Variants in FYN observed in about 807,000 individuals in gnomAD.
FYN encodes the protein FYN proto-oncogene, Src family tyrosine kinase.
A neutral mutation model predicts 70.2 loss-of-function variants in FYN; 10 were observed. The ratio of observed to expected loss-of-function variants is 0.14; its 90% CI spans 0.09 to 0.24. The LOEUF is 0.24. Among genes scored for constraint, FYN ranks in the 10% least tolerant of loss-of-function variants. The pLI is 1.00. For missense variants in FYN, 319 were observed against 673.1 expected (o/e 0.47, Z 5.82); for synonymous variants, 236 against 248.6 (o/e 0.95, Z 0.48).
intron 2 of FYN, among the ~76,000 whole-genome samples, chr6:111,826,706 T>C (rs6900448): frequency 0.15 from 23,329 of 152,194 alleles, 2,626 homozygotes; most frequent in African/African-American, 0.33. Flanking sequence ...TATCCCCTTC[T>C]AACAATGACA....
At chr6:111,722,070 C>T (rs143587438) in intron 3 of FYN, among the ~76,000 whole-genome samples, 2 of 152,268 alleles carry the variant, frequency 1.3e-5, no homozygotes, top group East Asian at 1.9e-4. Flanking sequence ...CAGAAGAGTG[C>T]TCCCTGGGCA....
At chr6:111,756,894 T>TAAAA (rs1802761469) in intron 3 of FYN, among the ~76,000 whole-genome samples, 2 of 152,180 alleles carry the variant, frequency 1.3e-5, no homozygotes, top group Non-Finnish European at 2.9e-5. Flanking sequence ...GCTAACAGCC[T>TAAAA]TCCCTTTAAA....
At chr6:111,785,130 C>T (rs776443129) in intron 2 of FYN, among the ~76,000 whole-genome samples, 1 of 152,174 alleles carries the variant, frequency 6.6e-6, no homozygotes, top group Non-Finnish European at 1.5e-5. Flanking sequence ...GATTGGTTCT[C>T]CACAGGATGT....
intron 2 of FYN, among the ~76,000 whole-genome samples, chr6:111,792,634 G>A (rs891127720): frequency 6.6e-6 from 1 of 152,194 alleles, no homozygotes; most frequent in South Asian, 2.1e-4. Flanking sequence ...CAATGAAAAT[G>A]AACAAACTAC....
At chr6:111,834,284 T>C (rs1773110908) in intron 2 of FYN, among the ~76,000 whole-genome samples, 1 of 152,082 alleles carries the variant, frequency 6.6e-6, no homozygotes, top group Non-Finnish European at 1.5e-5. Flanking sequence ...TTTATTTCTC[T>C]CTCACACACA....
intron 12 of FYN, among the ~76,000 whole-genome samples, chr6:111,679,991 A>C (rs1187199075): frequency 6.6e-6 from 1 of 152,182 alleles, no homozygotes; most frequent in Non-Finnish European, 1.5e-5. Flanking sequence ...AGACTGGATT[A>C]AGAATAAATT....
At chr6:111,807,011 G>C (rs1772171256) in intron 2 of FYN, among the ~76,000 whole-genome samples, 1 of 152,172 alleles carries the variant, frequency 6.6e-6, no homozygotes, top group African/African-American at 2.4e-5. Context: ...TTCATTCAGA[G>C]TGCTGAGCTC....
intron 1 of FYN, among the ~76,000 whole-genome samples, chr6:111,850,691 G>A (rs1052998889): frequency 9.2e-5 from 14 of 152,172 alleles, no homozygotes; most frequent in African/African-American, 2.9e-4. Flanking sequence ...CTCTGGCAAC[G>A]GGGCAGCCCC....
At chr6:111,834,108 C>T (rs769804786) in intron 2 of FYN, among the ~76,000 whole-genome samples, 2 of 151,816 alleles carry the variant, frequency 1.3e-5, no homozygotes, top group African/African-American at 2.4e-5. Flanking sequence ...ATATATAGTC[C>T]CAAGGTAAAT....
At position 111,661,742 on chromosome 6, in the gene FYN, C is replaced by T. The variant is rs770119405; in HGVS notation, c.1611G>A (p.Leu537=). ...CCTCTCTCCGCAGACCCGGGCCTTA[C>T]AGGTTTTCACCAGGTTGGTACTGGG... The part of the protein sequence containing the change: ...TEPQYQPGEN[L] The change falls in exon 14 of 14, where the codon CTG becomes CTA. Residue 537 remains leucine (L), a synonymous_variant. Transcript: ENST00000354650. The surrounding 1 kb of genome is among the most constrained non-coding windows in gnomAD (Gnocchi z 4.0). The T allele has an allele frequency of 1.9e-6, 3 of 1,613,708 alleles. No homozygotes were observed. Among genetic ancestry groups the T allele is most frequent in the South Asian group, 2.2e-5 (2 of 91,030 alleles).
At chr6:111,846,282 G>A (rs1203793735) in intron 2 of FYN, among the ~76,000 whole-genome samples, 1 of 152,078 alleles carries the variant, frequency 6.6e-6, no homozygotes, top group Non-Finnish European at 1.5e-5. Flanking sequence ...CTCAGCCATG[G>A]GACAGCTGTT....
chr6:111,739,184 C>G (rs1176765969), intron 3 of FYN, among the ~76,000 whole-genome samples: 6 of 152,240 alleles, frequency 3.9e-5, no homozygotes, highest in African/African-American at 1.4e-4. Flanking sequence ...ACAGATTCCA[C>G]TGGGCACCTG....
At chr6:111,723,000 T>C (rs1224980118) in intron 3 of FYN, among the ~76,000 whole-genome samples, 2 of 152,214 alleles carry the variant, frequency 1.3e-5, no homozygotes, top group Non-Finnish European at 2.9e-5. Context: ...TGACATGAAG[T>C]GCTCTGATTT....
intron 3 of FYN, among the ~76,000 whole-genome samples, chr6:111,727,997 C>A (rs1318205141): frequency 6.6e-6 from 1 of 152,158 alleles, no homozygotes; most frequent in Non-Finnish European, 1.5e-5. Context: ...GAAATGGAAG[C>A]ATCAGACCCC....
chr6:111,858,303 A>T (rs1372005197), intron 1 of FYN: 1 of 152,160 alleles, frequency 6.6e-6, no homozygotes, highest in Non-Finnish European at 1.5e-5. Context: ...GCCTTCTATC[A>T]TCTCAATAAC....
intron 6 of FYN, among the ~76,000 whole-genome samples, chr6:111,705,756 C>T (rs1023255685): frequency 2.0e-5 from 3 of 152,012 alleles, no homozygotes; most frequent in Non-Finnish European, 2.9e-5. Flanking sequence ...GGCTGGGGCA[C>T]GAGAATTGCT....
intron 3 of FYN, among the ~76,000 whole-genome samples, chr6:111,736,888 A>G (rs1801733439): frequency 6.6e-6 from 1 of 152,190 alleles, no homozygotes; most frequent in Non-Finnish European, 1.5e-5. Context: ...ACTGCTAACA[A>G]TTAGTGGATC....
At chr6:111,803,561 T>C (rs1177979829) in intron 2 of FYN, among the ~76,000 whole-genome samples, 1 of 152,188 alleles carries the variant, frequency 6.6e-6, no homozygotes, top group Admixed American at 6.5e-5. Context: ...AAGAGTCAAG[T>C]ATAAATACTG....
intron 3 of FYN, among the ~76,000 whole-genome samples, chr6:111,735,766 A>G (rs1243542799): frequency 6.6e-6 from 1 of 152,182 alleles, no homozygotes; most frequent in African/African-American, 2.4e-5. Flanking sequence ...GACTCTATCC[A>G]TTCTAGCTAC....
Sources: gnomAD v4.1 joint callset for allele counts (sites outside exome capture counted in the v4.1 genomes callset) on GRCh38, gnomAD v4.1.1 for gene constraint, Gnocchi (gnomAD v3.1) non-coding constraint, MANE v1.5 for transcripts, NCBI Gene and HGNC (gene_info 2026-07-23, HGNC 2026-07-21) for gene names.